DPP10: variants seen among roughly 807,000 people sequenced by gnomAD.
DPP10 encodes the protein inactive dipeptidyl peptidase 10.
Under a neutral mutation model 120.9 loss-of-function variants are expected in DPP10, and 33 were observed. The observed-to-expected ratio is 0.27, with a 90% CI of 0.21 to 0.37. The LOEUF is 0.37. DPP10 is among the 10% of genes least tolerant of loss of function. The probability of loss-of-function intolerance (pLI) is 1.00; values close to 1 mark genes in which losing one functional copy is unlikely to be tolerated. For synonymous variants in DPP10, 337 were observed against 326.1 expected, an observed-to-expected ratio of 1.03 and a Z score of -0.36; for missense variants, 816 against 942.8, an observed-to-expected ratio of 0.87 and a Z score of 1.76.
At chr2:115,667,072 C>T (rs945465127) in intron 5 of DPP10, among the ~76,000 whole-genome samples, 1 of 152,072 alleles carries the variant, frequency 6.6e-6, no homozygotes, top group African/African-American at 2.4e-5. Context: ...TCTTTACCAT[C>T]TCATTGTTAT....
At chr2:115,457,158 C>A (rs1419814068) in intron 3 of DPP10, among the ~76,000 whole-genome samples, 2 of 150,984 alleles carry the variant, frequency 1.3e-5, no homozygotes, top group Non-Finnish European at 2.9e-5. Context: ...CAAGGCAATT[C>A]AATGAAGGAA....
At chr2:114,838,342 G>A (rs1687898270) in intron 1 of DPP10, among the ~76,000 whole-genome samples, 1 of 152,110 alleles carries the variant, frequency 6.6e-6, no homozygotes, top group Non-Finnish European at 1.5e-5. Flanking sequence ...TTTTGAGATA[G>A]AGTCTTCCTC....
At chr2:115,413,770 A>G (rs2069142010) in intron 3 of DPP10, among the ~76,000 whole-genome samples, 1 of 152,270 alleles carries the variant, frequency 6.6e-6, no homozygotes, top group East Asian at 1.9e-4. Flanking sequence ...CCAGATATAA[A>G]TTTCTACCCT....
intron 1 of DPP10, among the ~76,000 whole-genome samples, chr2:115,098,838 T>C (rs2048533598): frequency 6.6e-6 from 1 of 152,168 alleles, no homozygotes; most frequent in Non-Finnish European, 1.5e-5. Flanking sequence ...CTTTAACTAG[T>C]GCTTCTGAAG....
intron 1 of DPP10, among the ~76,000 whole-genome samples, chr2:115,273,190 T>A (rs1222547669): frequency 6.6e-6 from 1 of 152,170 alleles, no homozygotes; most frequent in Non-Finnish European, 1.5e-5. Flanking sequence ...GTGGAGTACA[T>A]TTCTTTTCTA....
chr2:115,437,910 T>C (rs959251769), intron 3 of DPP10, among the ~76,000 whole-genome samples: 3 of 152,166 alleles, frequency 2.0e-5, no homozygotes, highest in Non-Finnish European at 4.4e-5. Context: ...TCTCATTTTA[T>C]TAAATTCATT....
intron 1 of DPP10, among the ~76,000 whole-genome samples, chr2:115,225,613 A>C (rs1012689807): frequency 2.6e-5 from 4 of 152,066 alleles, no homozygotes; most frequent in Non-Finnish European, 5.9e-5. Context: ...AGGAATTAGA[A>C]CTATGGGTAT....
intron 5 of DPP10, among the ~76,000 whole-genome samples, chr2:115,551,395 G>A (rs1055188947): frequency 6.6e-6 from 1 of 152,126 alleles, no homozygotes; most frequent in African/African-American, 2.4e-5. Flanking sequence ...AAGGCTCTGG[G>A]TGTGGCAGTG....
At chr2:115,119,341 C>T (rs971224587) in intron 1 of DPP10, among the ~76,000 whole-genome samples, 2 of 152,158 alleles carry the variant, frequency 1.3e-5, no homozygotes, top group Non-Finnish European at 1.5e-5. Flanking sequence ...TGCTAATCAC[C>T]AGCTTCAGGT....
chr2:114,474,891 C>T lies in DPP10; in HGVS notation c.60+32053C>T, dbSNP rs187130132. On this transcript the variant is annotated intron_variant, in intron 1 of 25. Transcript: ENST00000410059. ...CTGCAAACCCTAAGAGATGGGTCATCTGCATTCTGAGCCTTGACAGTGAAC... is the reference window on the plus strand; with the variant it reads ...CTGCAAACCCTAAGAGATGGGTCATTTGCATTCTGAGCCTTGACAGTGAAC... Among the ~76,000 whole-genome samples the T allele has an allele frequency of 9.2e-5, 14 of 152,334 alleles. No homozygotes were observed. The East Asian group carries it at 2.5e-3, about 27-fold the overall frequency.
intron 1 of DPP10, chr2:115,161,660 C>G (rs1045338040): frequency 6.6e-6 from 2 of 301,342 alleles, no homozygotes; most frequent in Non-Finnish European, 1.2e-5. Flanking sequence ...CCGCTCGCCG[C>G]TGCACTAACT....
intron 5 of DPP10, among the ~76,000 whole-genome samples, chr2:115,666,143 T>G (rs2089437135): frequency 6.6e-6 from 1 of 152,174 alleles, no homozygotes; most frequent in African/African-American, 2.4e-5. Context: ...CATCCAGTAT[T>G]TGGTTTTCCG....
intron 3 of DPP10, among the ~76,000 whole-genome samples, chr2:115,447,369 G>A (rs935917375): frequency 5.3e-5 from 8 of 152,158 alleles, no homozygotes; most frequent in African/African-American, 1.9e-4. Flanking sequence ...TTGGATTTCA[G>A]ACTTTTGGGT....
chr2:115,839,896 A>C (rs572929065), intron 24 of DPP10, among the ~76,000 whole-genome samples: 1 of 152,232 alleles, frequency 6.6e-6, no homozygotes, highest in East Asian at 1.9e-4. Flanking sequence ...AAGCAAGAGT[A>C]ACCAGTATGC....
At chr2:114,855,488 T>C (rs997281199) in intron 1 of DPP10, among the ~76,000 whole-genome samples, 21 of 152,226 alleles carry the variant, frequency 1.4e-4, no homozygotes, top group Middle Eastern at 3.2e-3. Flanking sequence ...TGTTCCACTT[T>C]TTAAGACTTC....
chr2:114,963,044 C>T (rs984457899), intron 1 of DPP10, among the ~76,000 whole-genome samples: 4 of 152,262 alleles, frequency 2.6e-5, no homozygotes, highest in Admixed American at 2.6e-4. Context: ...TATTTCTGAG[C>T]ATAACAATCA....
At chr2:114,874,765 G>A (rs1453946933) in intron 1 of DPP10, among the ~76,000 whole-genome samples, 1 of 151,960 alleles carries the variant, frequency 6.6e-6, no homozygotes, top group Admixed American at 6.6e-5. Flanking sequence ...GGGGACTGCT[G>A]GTATAGATTA....
chr2:114,883,419 C>T (rs767336996), intron 1 of DPP10, among the ~76,000 whole-genome samples: 6 of 152,162 alleles, frequency 3.9e-5, no homozygotes, highest in Non-Finnish European at 7.4e-5. Context: ...CAGAGTAGAA[C>T]GCCGTGAAAG....
At chr2:114,594,788 T>C (rs1285755662) in intron 1 of DPP10, among the ~76,000 whole-genome samples, 1 of 151,996 alleles carries the variant, frequency 6.6e-6, no homozygotes, top group African/African-American at 2.4e-5. Context: ...TCATTGTTGC[T>C]ATCTTCCATT....
Sources: allele counts gnomAD v4.1 joint callset (sites outside exome capture counted in the v4.1 genomes callset), GRCh38; gene constraint gnomAD v4.1.1; transcripts MANE v1.5; gene names NCBI Gene and HGNC (gene_info 2026-07-23, HGNC 2026-07-21).